Variants in SLC16A3 observed in about 807,000 individuals in gnomAD.
SLC16A3 encodes solute carrier family 16 member 3, also known as monocarboxylate transporter 4.
Under a neutral mutation model 25.0 loss-of-function variants are expected in SLC16A3, and 22 were observed. The ratio of observed to expected loss-of-function variants is 0.88; its 90% CI spans 0.63 to 1.26. The LOEUF (loss-of-function observed/expected upper bound fraction) is 1.26. SLC16A3 is among the 50% of genes most tolerant of loss of function. The pLI, the probability that SLC16A3 is intolerant of heterozygous loss-of-function variation, is 0.00. For missense variants in SLC16A3, 731 were observed against 666.6 expected (o/e 1.10, Z -1.06); for synonymous variants, 390 against 309.2 (o/e 1.26, Z -2.74).
chr17:82,226,777 G>A (rs935753590), upstream of SLC16A3, among the ~76,000 whole-genome samples: 3 of 152,098 alleles, frequency 2.0e-5, no homozygotes, highest in Admixed American at 6.5e-5. Context: ...CCTCGGAGAG[G>A]GGCCCAGGGT....
At chr17:82,225,904 A>G (rs1028565147), upstream of SLC16A3, among the ~76,000 whole-genome samples, 1 of 151,930 alleles carries the variant, frequency 6.6e-6, no homozygotes, top group Non-Finnish European at 1.5e-5. Context: ...ACCCTTGGAG[A>G]AAAGCCTCTC....
rs1335750913 is a variant in SLC16A3, at chr17:82,237,340, C to T, written c.570C>T (p.Cys190=). 1 of 1,540,786 alleles carries T rather than the reference C, an allele frequency of 6.5e-7. No homozygotes were observed. The highest frequency in any genetic ancestry group is 8.8e-7 in the Non-Finnish European group (1 of 1,141,918). ...TCCTGGGCGGCCTGCTGCTCAACTGCTGCGTGTGTGCCGCACTCATGAGGC... is the reference window on the plus strand; with the variant it reads ...TCCTGGGCGGCCTGCTGCTCAACTGTTGCGTGTGTGCCGCACTCATGAGGC... ...FLILGGLLLN[C]CVCAALMRPL... The change falls in exon 4 of 5, where the codon TGC becomes TGT. Residue 190 remains cysteine, a synonymous_variant. Transcript: ENST00000582743.
At position 82,236,058 on chromosome 17, in the gene SLC16A3, ACGG is replaced by A. The variant is rs1460700424; in HGVS notation, c.55_57del (p.Gly19del). Reference sequence around the variant, plus strand: ...GGCCCCACAGGCGTCAAGGCCCCTGACGGCGGCTGGGGCTGGGCCGTGCTCTTC... The same window carrying A: ...GGCCCCACAGGCGTCAAGGCCCCTGACGGCTGGGGCTGGGCCGTGCTCTTC... On this transcript the variant is annotated inframe_deletion, in exon 2 of 5. Transcript: ENST00000582743. 6.2e-7 allele frequency: 1 copy of A among 1,612,796 alleles called. No homozygotes were observed. Among genetic ancestry groups the A allele is most frequent in the Non-Finnish European group, 8.5e-7 (1 of 1,179,838 alleles).
chr17:82,236,316 G>T, intron 2 of SLC16A3, 85 bp downstream of exon 2: 1 of 1,276,410 alleles, frequency 7.8e-7, no homozygotes. Context: ...TCAGCAACAG[G>T]GCCTTCCGCC....
chr17:82,227,943 G>C (rs772803543), upstream of SLC16A3, among the ~76,000 whole-genome samples: 2 of 152,184 alleles, frequency 1.3e-5, no homozygotes, highest in Non-Finnish European at 2.9e-5. Flanking sequence ...TGCAGATGGA[G>C]AGCCAAGGCC....
upstream of SLC16A3, among the ~76,000 whole-genome samples, chr17:82,228,857 G>A (rs1224210557): frequency 4.0e-5 from 6 of 151,300 alleles, no homozygotes; most frequent in Non-Finnish European, 8.9e-5. Context: ...TCCGGTTGGG[G>A]GGGTCCCTGG....
chr17:82,239,009 A>T lies in SLC16A3; in HGVS notation c.*33A>T, dbSNP rs373251603. 1.6e-4 allele frequency: 232 copies of T among 1,490,170 alleles called. No individual in the cohort carries two copies. The highest frequency in any genetic ancestry group is 2.0e-4 in the Non-Finnish European group (229 of 1,118,654). 92.3% of individuals were successfully genotyped at this position (1,490,170 alleles called of 1,614,324 possible). On this transcript the variant is annotated 3_prime_UTR_variant, in exon 5 of 5. Coordinates refer to ENST00000582743, the MANE Select transcript of SLC16A3 (RefSeq NM_004207.4). ...GGCGGGGCCGGCAGGCACAGGGAGG[A>T]GGTACAGAAGCCGGCAACGCTTGCT...
rs774421332 is a variant in SLC16A3, at chr17:82,240,023, G to A, written c.*1047G>A. The A allele has an allele frequency of 1.2e-4, 144 of 1,233,672 alleles. No homozygotes were observed. Among genetic ancestry groups the A allele is most frequent in the Non-Finnish European group, 1.3e-4 (133 of 987,908 alleles). The allele number at this position is 1,233,672 out of a possible 1,614,324, so 76.4% of individuals were successfully genotyped here. On this transcript the variant is annotated 3_prime_UTR_variant, in exon 5 of 5. Transcript: ENST00000582743. ...TGGGGACGGCAGCGGGTGCCCTGGCGGGCCGCGTGCAGCCGGAGAGATGCC... is the reference window on the plus strand; with the variant it reads ...TGGGGACGGCAGCGGGTGCCCTGGCAGGCCGCGTGCAGCCGGAGAGATGCC...
chr17:82,237,299 C>A lies in SLC16A3; in HGVS notation c.529C>A (p.Arg177=). 1.3e-6 allele frequency: 2 copies of A among 1,554,792 alleles called. No homozygotes were observed. Among genetic ancestry groups the A allele is most frequent in the Non-Finnish European group, 8.7e-7 (1 of 1,149,616 alleles). The part of the protein sequence containing the change: ...GQLLQDRYGW[R]GGFLILGGLL... ...GCTGCTGCAGGACCGCTACGGCTGGCGGGGCGGCTTCCTCATCCTGGGCGG... is the reference window on the plus strand; with the variant it reads ...GCTGCTGCAGGACCGCTACGGCTGGAGGGGCGGCTTCCTCATCCTGGGCGG... Residue 177 remains arginine, a synonymous_variant, in exon 4 of 5, where the codon CGG becomes AGG. Transcript: ENST00000582743.
chr17:82,236,685 A>G (rs201523090), intron 2 of SLC16A3, 44 bp from the exon 3 acceptor site: 74 of 1,583,592 alleles, frequency 4.7e-5, no homozygotes, highest in Non-Finnish European at 6.2e-5. Flanking sequence ...GCGGGGGTAG[A>G]GCTGGCTGCA....
Position 82,238,132 on chromosome 17 carries a change from C to CG in SLC16A3, c.1123+248dup, listed in dbSNP as rs375870269. ...AGGCAGGGTGGCTAGGGGCTGGGCC[C>CG]GGGGGGGGGCAGCTCCTCCAGGCTC... On this transcript the variant is annotated intron_variant, in intron 4 of 4. Transcript: ENST00000582743. Among the ~76,000 whole-genome samples the CG allele has an allele frequency of 3.1e-3, 461 of 150,310 alleles. 6 individuals carry two copies. Among genetic ancestry groups the CG allele is most frequent in the South Asian group, 0.011 (52 of 4,722 alleles).
At chr17:82,227,756 T>G (rs1162464513), upstream of SLC16A3, among the ~76,000 whole-genome samples, 2 of 152,052 alleles carry the variant, frequency 1.3e-5, no homozygotes, top group Non-Finnish European at 2.9e-5. Flanking sequence ...CACAGGCCTG[T>G]GTTCTGCTCA....
chr17:82,234,103 G>A (rs1345352127), intron 1 of SLC16A3: 1 of 152,228 alleles, frequency 6.6e-6, no homozygotes, highest in Non-Finnish European at 1.5e-5. Context: ...GCCCCCCAAA[G>A]TGCTGGGATT....
intron 1 of SLC16A3, among the ~76,000 whole-genome samples, chr17:82,219,693 C>T (rs1376296528): frequency 1.3e-5 from 2 of 152,138 alleles, no homozygotes; most frequent in African/African-American, 2.4e-5. Flanking sequence ...GGAGGAGCAG[C>T]CAGGCCAAAG....
upstream of SLC16A3, among the ~76,000 whole-genome samples, chr17:82,226,973 A>G (rs760270577): frequency 1.1e-4 from 16 of 151,872 alleles, no homozygotes; most frequent in South Asian, 2.1e-4. Context: ...CAGTCCCCCC[A>G]GTCAAAGCCC....
chr17:82,225,442 G>A (rs1246157350), upstream of SLC16A3, among the ~76,000 whole-genome samples: 4 of 152,120 alleles, frequency 2.6e-5, no homozygotes, highest in African/African-American at 7.2e-5. Flanking sequence ...GGCACGTCCC[G>A]CCACACGCCC....
chr17:82,223,348 A>G lies in SLC16A3; in HGVS notation c.-27+5164A>G, dbSNP rs372800651. On this transcript the variant is annotated intron_variant, in intron 1 of 4. Transcript: ENST00000580098. ...CCGGCATGTGCCATGACGCCTGGCTAATTTTTGTATTTTTGGTAGAGATTG... is the reference window on the plus strand; with the variant it reads ...CCGGCATGTGCCATGACGCCTGGCTGATTTTTGTATTTTTGGTAGAGATTG... Among the ~76,000 whole-genome samples, 58 of 151,816 alleles carry G rather than the reference A, an allele frequency of 3.8e-4. No homozygotes were observed. In the South Asian group the frequency reaches 4.2e-3, roughly 11 times the overall value.
At chr17:82,232,035 C>CT (rs1205159246) in intron 1 of SLC16A3, 5 of 152,286 alleles carry the variant, frequency 3.3e-5, no homozygotes, top group Non-Finnish European at 5.9e-5. Flanking sequence ...AAGAAGGGAA[C>CT]TGAGGGAGGC....
At chr17:82,231,932 G>A (rs192407793) in intron 1 of SLC16A3, 1 of 152,378 alleles carries the variant, frequency 6.6e-6, no homozygotes, top group East Asian at 1.9e-4. Context: ...CCCCCTGCAA[G>A]CTCGGCCCCG....
Sources: gnomAD v4.1 joint callset for allele counts (sites outside exome capture counted in the v4.1 genomes callset) on GRCh38, gnomAD v4.1.1 for gene constraint, MANE v1.5 for transcripts, NCBI Gene and HGNC (gene_info 2026-07-23, HGNC 2026-07-21) for gene names.